The following CACNA1I variants were observed in gnomAD, a reference collection of about 807,000 sequenced individuals.
The protein encoded by CACNA1I is calcium voltage-gated channel subunit alpha1 I.
CACNA1I carries 74 observed loss-of-function variants against 201.6 expected under a neutral mutation model. The observed-to-expected ratio is 0.37, with a 90% CI of 0.30 to 0.45. The LOEUF (loss-of-function observed/expected upper bound fraction) is 0.45, where lower values mean the gene tolerates loss of function less well. Ranked by LOEUF, CACNA1I falls within the 20% of genes least tolerant of loss-of-function variation. CACNA1I has a pLI of 1.00. For missense variants in CACNA1I, 2,346 were observed against 3,138.1 expected, an observed-to-expected ratio of 0.75 and a Z score of 6.03; for synonymous variants, 1,431 against 1,345.2, an observed-to-expected ratio of 1.06 and a Z score of -1.40.
In CACNA1I at chr22:39,591,784, T is replaced by A. The variant is rs6001631; in HGVS notation, c.237-6367T>A. The stretch of plus-strand genomic sequence containing the variant: ...TGTGTTGGCCGGGCTGGTCTTGAAC[T>A]CCTGACCTCAGGTGATCTGCCCGCC... On this transcript the variant is annotated intron_variant, in intron 1 of 36. Coordinates refer to ENST00000402142, the MANE Select transcript of CACNA1I (RefSeq NM_021096.4). Among the ~76,000 whole-genome samples the A allele has an allele frequency of 3.0e-4, 45 of 152,300 alleles. 1 individual carries two copies. The highest frequency in any genetic ancestry group is 1.1e-3 in the African/African-American group (44 of 41,558).
intron 1 of CACNA1I, among the ~76,000 whole-genome samples, chr22:39,595,292 T>C (rs1316765822): frequency 6.6e-6 from 1 of 150,382 alleles, no homozygotes; most frequent in East Asian, 2.0e-4. Flanking sequence ...CGTCTCAAAA[T>C]AAATAAATAA....
chr22:39,658,246 T>C lies in CACNA1I; in HGVS notation c.2087T>C (p.Leu696Pro). The change falls in exon 11 of 37, where the codon CTC becomes CCC. Residue 696 changes from leucine (L) to proline (P), a missense_variant. This residue lies in a region of CACNA1I where 155 missense variants were observed against 300.8 expected (regional missense o/e 0.52). Transcript: ENST00000402142. ...EMILKLAAFG[L>P]FDYLRNPYNI... ...ATCCTGAAGCTGGCTGCATTTGGGC[T>C]CTTCGACTACCTGCGTAACCCCTAC... The C allele has an allele frequency of 1.2e-6, 2 of 1,613,992 alleles. No individual in the cohort carries two copies. The highest frequency in any genetic ancestry group is 1.7e-6 in the Non-Finnish European group (2 of 1,179,884).
At chr22:39,655,868 G>A (rs1934800274) in intron 10 of CACNA1I, among the ~76,000 whole-genome samples, 1 of 152,348 alleles carries the variant, frequency 6.6e-6, no homozygotes, top group South Asian at 2.1e-4. Context: ...GAGGAGGCGC[G>A]GGGTGACCTT....
rs1477246140 is a variant in CACNA1I, at chr22:39,687,167, C to T, written c.*762C>T. ...GCCTGGGGTAGGGGATGGAGAGCAG[C>T]TCCAAGGCTGAGCTGGGGCTCTGGC... is the stretch of plus-strand genomic sequence containing the variant. On this transcript the variant is annotated 3_prime_UTR_variant, in exon 37 of 37. Coordinates refer to ENST00000402142, the MANE Select transcript of CACNA1I (RefSeq NM_021096.4). The T allele has an allele frequency of 6.6e-6, 1 of 152,176 alleles. No individual in the cohort carries two copies. The highest frequency in any genetic ancestry group is 1.9e-4 in the East Asian group (1 of 5,156). 9.4% of individuals were successfully genotyped at this position (152,176 alleles called of 1,614,324 possible).
At chr22:39,575,972 A>C (rs1158327152) in intron 1 of CACNA1I, among the ~76,000 whole-genome samples, 1 of 152,028 alleles carries the variant, frequency 6.6e-6, no homozygotes, top group African/African-American at 2.4e-5. Flanking sequence ...ATGGGGTTTC[A>C]CCATTTCAGC....
chr22:39,663,467 G>A (rs995724757), intron 18 of CACNA1I, among the ~76,000 whole-genome samples: 14 of 152,280 alleles, frequency 9.2e-5, no homozygotes, highest in Non-Finnish European at 1.6e-4. Flanking sequence ...ACAGGCTCAG[G>A]GATCTGGGCT....
intron 1 of CACNA1I, among the ~76,000 whole-genome samples, chr22:39,587,044 A>G (rs1051322728): frequency 1.3e-5 from 2 of 152,092 alleles, no homozygotes; most frequent in Non-Finnish European, 2.9e-5. Context: ...GTGTCTGGCA[A>G]ATCTCTTCGG....
chr22:39,619,690 G>A (rs1462511358), intron 4 of CACNA1I, among the ~76,000 whole-genome samples: 3 of 152,146 alleles, frequency 2.0e-5, no homozygotes, highest in South Asian at 2.1e-4. Context: ...TTTCAGGGAC[G>A]AAGAGTTTAT....
intron 1 of CACNA1I, among the ~76,000 whole-genome samples, chr22:39,579,547 C>T (rs1932481062): frequency 6.6e-6 from 1 of 152,110 alleles, no homozygotes; most frequent in Non-Finnish European, 1.5e-5. Context: ...GCATCTGTTT[C>T]TGGTCAGGAC....
rs1367898865 is a variant in CACNA1I, at chr22:39,684,382, G to C, written c.5911G>C (p.Ala1971Pro). 6.2e-7 allele frequency: 1 copy of C among 1,613,492 alleles called. No homozygotes were observed. The highest frequency in any genetic ancestry group is 8.5e-7 in the Non-Finnish European group (1 of 1,179,848). Residue 1971 changes from alanine (A) to proline (P), a missense_variant, in exon 36 of 37, where the codon GCC becomes CCC. Physicochemically the swap from Ala to Pro is conservative, Grantham distance 27. Around this residue, in one of 13 missense-constraint regions of CACNA1I, gnomAD observed 441 missense variants for 555.6 expected, o/e 0.79. Coordinates refer to ENST00000402142, the MANE Select transcript of CACNA1I (RefSeq NM_021096.4). This position sits in a 1 kb window ranked among gnomAD's most constrained non-coding sequence, Gnocchi z 4.6. ...PAEFFHPAVS[A>P]SQKGPEKGTG... ...CGAGTTCTTCCACCCTGCAGTGTCT[G>C]CCAGCCAGAAAGGCCCAGAAAAGGG... is the stretch of plus-strand genomic sequence containing the variant.
rs745531999 is a variant in CACNA1I, at chr22:39,684,469, C to G, written c.5998C>G (p.Pro2000Ala). The change falls in exon 36 of 37, where the codon CCA becomes GCA. Residue 2000 changes from proline to alanine, a missense_variant. Physicochemically the swap from Pro to Ala is conservative, Grantham distance 27. This residue lies in a region of CACNA1I where 441 missense variants were observed against 555.6 expected (regional missense o/e 0.79). Coordinates refer to ENST00000402142, the MANE Select transcript of CACNA1I (RefSeq NM_021096.4). This position sits in a 1 kb window ranked among gnomAD's most constrained non-coding sequence, Gnocchi z 4.6. ...LQGSWASLRS[P>A]RVNCTLLRQA... Reference sequence around the variant, plus strand: ...GGGCTCCTGGGCATCTCTGCGGTCACCAAGGGTCAACTGTACCCTCCTCCG... The same window carrying G: ...GGGCTCCTGGGCATCTCTGCGGTCAGCAAGGGTCAACTGTACCCTCCTCCG... 1 of 1,613,368 alleles carries G rather than the reference C, an allele frequency of 6.2e-7. No individual in the cohort carries two copies. Among genetic ancestry groups the G allele is most frequent in the South Asian group, 1.1e-5 (1 of 91,012 alleles).
At position 39,646,993 on chromosome 22, in the gene CACNA1I, G is replaced by C. The variant is rs1934513406; in HGVS notation, c.1462+112G>C. On this transcript the variant is annotated intron_variant, in intron 8 of 36. Coordinates refer to ENST00000402142, the MANE Select transcript of CACNA1I (RefSeq NM_021096.4). ...TCCAAATTCCAGGTCTTCACTTCAT[G>C]CTCAAGTGTTTCCTTCACAGCCCCC... is the stretch of plus-strand genomic sequence containing the variant. 3 of 1,411,262 alleles carry C rather than the reference G, an allele frequency of 2.1e-6. No homozygotes were observed. The African/African-American group carries it at 4.3e-5, about 20-fold the overall frequency. The allele number at this position is 1,411,262 out of a possible 1,614,324, so 87.4% of individuals were successfully genotyped here.
At position 39,634,614 on chromosome 22, in the gene CACNA1I, G is replaced by T. The variant is rs576782235; in HGVS notation, c.630G>T (p.Gly210=). 4 of 1,613,962 alleles carry T rather than the reference G, an allele frequency of 2.5e-6. No individual in the cohort carries two copies. In the East Asian group the frequency reaches 6.7e-5, roughly 27 times the overall value. Residue 210 remains glycine (G), a synonymous_variant, in exon 5 of 37, where the codon GGG becomes GGT. Coordinates refer to ENST00000402142, the MANE Select transcript of CACNA1I (RefSeq NM_021096.4). ...TCCTGGACACACTGCCCATGCTGGG[G>T]AATGTCCTGCTGCTCTGCTTCTTTG... ...NLLLDTLPML[G]NVLLLCFFVF...
intron 1 of CACNA1I, among the ~76,000 whole-genome samples, chr22:39,582,525 C>A (rs1344305326): frequency 1.3e-5 from 2 of 152,086 alleles, no homozygotes; most frequent in Non-Finnish European, 2.9e-5. Context: ...CCAGCCCAGG[C>A]AGTCTCTGAG....
Position 39,684,643 on chromosome 22 carries a change from G to A in CACNA1I, c.6027+145G>A. 1.2e-6 allele frequency: 1 copy of A among 841,598 alleles called. No homozygotes were observed. The highest frequency in any genetic ancestry group is 1.7e-5 in the African/African-American group (1 of 59,558). The allele number at this position is 841,598 out of a possible 1,614,324, so 52.1% of individuals were successfully genotyped here. A position where few individuals can be genotyped will look rare whatever the true frequency, so the allele number is the denominator to read the frequency against. On this transcript the variant is annotated intron_variant, in intron 36 of 36. Transcript: ENST00000402142. The surrounding 1 kb of genome is among the most constrained non-coding windows in gnomAD (Gnocchi z 4.6). ...CCGTGCAAGGGGGTTTGGGAACGCT[G>A]GGGTGACGCTGAGACTGGAGGGGGA... is the stretch of plus-strand genomic sequence containing the variant.
intron 6 of CACNA1I, among the ~76,000 whole-genome samples, chr22:39,641,744 TG>T (rs1692797332): frequency 6.6e-6 from 1 of 152,222 alleles, no homozygotes; most frequent in South Asian, 2.1e-4. Flanking sequence ...GCTTGTTGCG[TG>T]GCCCCACTGC....
chr22:39,574,212 G>C (rs563830797), intron 1 of CACNA1I, among the ~76,000 whole-genome samples: 11 of 152,324 alleles, frequency 7.2e-5, no homozygotes, highest in East Asian at 3.9e-4. Flanking sequence ...TCATTCAAAG[G>C]CTGCAAAATT....
chr22:39,634,530 C>T (rs756999556), intron 4 of CACNA1I, 35 bp from the exon 5 acceptor site: 41 of 1,611,884 alleles, frequency 2.5e-5, no homozygotes, highest in Non-Finnish European at 3.3e-5. Context: ...CCTCTGCTCC[C>T]TGTCTGACCA....
Position 39,664,853 on chromosome 22 carries a change from T to C in CACNA1I, c.3781T>C (p.Ser1261Pro). ...SIIDIVVSLASAGGAKILGVL... is the reference protein window; with the variant it reads ...SIIDIVVSLAPAGGAKILGVL... ...CATCGACATCGTGGTGTCCCTGGCC[T>C]CAGCCGGGGGAGCCAAGATCTTGGG... is the stretch of plus-strand genomic sequence containing the variant. Residue 1261 changes from serine (S) to proline (P), a missense_variant, in exon 21 of 37, where the codon TCA (serine) becomes CCA (proline). Coordinates refer to ENST00000402142, the MANE Select transcript of CACNA1I (RefSeq NM_021096.4). 1 of 1,613,046 alleles carries C rather than the reference T, an allele frequency of 6.2e-7. No homozygotes were observed. Among genetic ancestry groups the C allele is most frequent in the Non-Finnish European group, 8.5e-7 (1 of 1,179,774 alleles).
Sources: allele counts gnomAD v4.1 joint callset (sites outside exome capture counted in the v4.1 genomes callset), GRCh38; gene constraint gnomAD v4.1.1; regional missense constraint gnomAD v4.1.1; non-coding constraint Gnocchi (gnomAD v3.1); transcripts MANE v1.5; gene names NCBI Gene and HGNC (gene_info 2026-07-23, HGNC 2026-07-21).